Variants in GLIS3 observed in about 807,000 individuals in gnomAD.
GLIS3 encodes zinc finger protein GLIS3.
GLIS3 carries 53 observed loss-of-function variants against 78.6 expected under a neutral mutation model. That is an observed-to-expected ratio of 0.67 (90% CI 0.54 to 0.85). GLIS3 has a LOEUF of 0.85. Ranked by LOEUF, GLIS3 falls within the 40% of genes least tolerant of loss-of-function variation. The probability of loss-of-function intolerance (pLI) is 0.00; values close to 1 mark genes in which losing one functional copy is unlikely to be tolerated. For missense variants in GLIS3, 1,703 were observed against 1,231.1 expected (o/e 1.38, Z -5.74); for synonymous variants, 684 against 509.9 (o/e 1.34, Z -4.60).
chr9:3,999,590 C>T (rs115944712), intron 4 of GLIS3, among the ~76,000 whole-genome samples: 1,990 of 151,842 alleles, frequency 0.013, 54 homozygotes, highest in African/African-American at 0.046. Context: ...TATAAATGTT[C>T]ATTGAAAGAC....
chr9:4,251,497 G>T (rs553708211), intron 2 of GLIS3, among the ~76,000 whole-genome samples: 2 of 143,256 alleles, frequency 1.4e-5, no homozygotes, highest in South Asian at 2.2e-4. Flanking sequence ...TTGAGCCTAT[G>T]TGTGTCTTTG....
At chr9:4,174,604 A>T (rs1816660353) in intron 2 of GLIS3, among the ~76,000 whole-genome samples, 1 of 152,182 alleles carries the variant, frequency 6.6e-6, no homozygotes, top group Admixed American at 6.5e-5. Context: ...ATCTACCACA[A>T]CTTCGCCTTT....
At chr9:3,904,901 AC>A in intron 6 of GLIS3, among the ~76,000 whole-genome samples, 1 of 151,530 alleles carries the variant, frequency 6.6e-6, no homozygotes, top group Middle Eastern at 3.4e-3. Flanking sequence ...AAAACAGCCC[AC>A]CCCCAACTTT....
chr9:4,124,587 C>T (rs1291764999), intron 3 of GLIS3, among the ~76,000 whole-genome samples: 1 of 152,152 alleles, frequency 6.6e-6, no homozygotes, highest in African/African-American at 2.4e-5. Context: ...AGCAGCTTCC[C>T]ATCACAAAAA....
At chr9:3,889,086 C>CTT (rs144403264) in intron 7 of GLIS3, among the ~76,000 whole-genome samples, 1,570 of 152,210 alleles carry the variant, frequency 0.01, 24 homozygotes, top group African/African-American at 0.033. Flanking sequence ...ATTTGAGATA[C>CTT]TTTCCTTTCT....
At chr9:4,362,658 T>C in the GLIS3 span, among the ~76,000 whole-genome samples, 1 of 152,224 alleles carries the variant, frequency 6.6e-6, no homozygotes, top group Non-Finnish European at 1.5e-5. Context: ...TGGATATTAT[T>C]CTTGTGGTCA....
At chr9:4,161,092 A>AAAAAG (rs1554719883) in intron 2 of GLIS3, among the ~76,000 whole-genome samples, 190 of 150,750 alleles carry the variant, frequency 1.3e-3, no homozygotes, top group African/African-American at 4.3e-3. Context: ...AAAAAAAAAA[A>AAAAAG]AAAGAAAGAA....
intron 2 of GLIS3, among the ~76,000 whole-genome samples, chr9:4,217,849 G>A (rs1281686149): frequency 6.6e-6 from 1 of 152,178 alleles, no homozygotes; most frequent in African/African-American, 2.4e-5. Context: ...TTCTGCAGCA[G>A]CATGAAATAG....
chr9:4,217,159 G>A (rs1485945711), intron 2 of GLIS3, among the ~76,000 whole-genome samples: 1 of 152,088 alleles, frequency 6.6e-6, no homozygotes, highest in Non-Finnish European at 1.5e-5. Context: ...AAGGTGACAG[G>A]CTCATCAACA....
chr9:4,238,984 A>G (rs1296917643), intron 2 of GLIS3, among the ~76,000 whole-genome samples: 1 of 151,988 alleles, frequency 6.6e-6, no homozygotes, highest in Non-Finnish European at 1.5e-5. Context: ...GATGGTTTCC[A>G]GCTTCATCCA....
At chr9:4,397,946 CCATT>C in the GLIS3 span, among the ~76,000 whole-genome samples, 1 of 152,008 alleles carries the variant, frequency 6.6e-6, no homozygotes, top group South Asian at 2.1e-4. Context: ...ATCCAGTTCC[CCATT>C]CACACTGTTC....
chr9:3,881,204 T>G (rs754553778), intron 7 of GLIS3, among the ~76,000 whole-genome samples: 12 of 152,162 alleles, frequency 7.9e-5, no homozygotes, highest in Non-Finnish European at 1.6e-4. Flanking sequence ...TGGAGCTTGG[T>G]GTTTTATATA....
chr9:4,187,604 G>A (rs138920238), intron 2 of GLIS3, among the ~76,000 whole-genome samples: 16 of 152,242 alleles, frequency 1.1e-4, no homozygotes, highest in East Asian at 9.7e-4. Context: ...CCATTTTCCC[G>A]ATATTGATTC....
chr9:4,234,227 T>C (rs761268692), intron 2 of GLIS3, among the ~76,000 whole-genome samples: 2 of 152,254 alleles, frequency 1.3e-5, no homozygotes, highest in Admixed American at 6.5e-5. Flanking sequence ...CTTGGCTAAA[T>C]GTTTGACACA....
intron 4 of GLIS3, among the ~76,000 whole-genome samples, chr9:3,954,062 A>G (rs1816920756): frequency 1.3e-5 from 2 of 152,202 alleles, no homozygotes. Flanking sequence ...TTTCACACAT[A>G]TATTTAACAC....
chr9:4,381,536 G>C, the GLIS3 span, among the ~76,000 whole-genome samples: 5 of 152,142 alleles, frequency 3.3e-5, no homozygotes, highest in Admixed American at 2.6e-4. Flanking sequence ...AGCCTTACAG[G>C]TTTCATTCTC....
At chr9:3,834,400 A>G (rs1818222517) in intron 9 of GLIS3, among the ~76,000 whole-genome samples, 1 of 152,250 alleles carries the variant, frequency 6.6e-6, no homozygotes, top group Non-Finnish European at 1.5e-5. Flanking sequence ...TGTGCTGTCC[A>G]ATACAGTAGC....
intron 2 of GLIS3, among the ~76,000 whole-genome samples, chr9:4,322,296 G>A (rs928041129): frequency 1.3e-5 from 2 of 152,128 alleles, no homozygotes; most frequent in Non-Finnish European, 2.9e-5. Context: ...CATTTGGGTT[G>A]GTTCGAAGTC....
chr9:4,409,505 T>C, the GLIS3 span, among the ~76,000 whole-genome samples: 1 of 152,202 alleles, frequency 6.6e-6, no homozygotes, highest in Non-Finnish European at 1.5e-5. Flanking sequence ...TTACAGGCAG[T>C]CTCCTATGTC....
Sources: allele counts gnomAD v4.1 joint callset (sites outside exome capture counted in the v4.1 genomes callset), GRCh38; gene constraint gnomAD v4.1.1; transcripts MANE v1.5; gene names NCBI Gene and HGNC (gene_info 2026-07-23, HGNC 2026-07-21).